The following WDR75 variants were observed in gnomAD, a reference collection of about 807,000 sequenced individuals.
The protein encoded by WDR75 is WD repeat-containing protein 75.
WDR75 carries 52 observed loss-of-function variants against 106.1 expected under a neutral mutation model. The observed-to-expected ratio is 0.49, with a 90% CI of 0.39 to 0.62. The LOEUF (loss-of-function observed/expected upper bound fraction) is 0.62, where lower values mean the gene tolerates loss of function less well. Among genes scored for constraint, WDR75 ranks in the 20% least tolerant of loss-of-function variants. The pLI is 0.00. For missense variants in WDR75, 905 were observed against 970.3 expected, an observed-to-expected ratio of 0.93 and a Z score of 0.89; for synonymous variants, 333 against 335.5, an observed-to-expected ratio of 0.99 and a Z score of 0.08.
In WDR75 at chr2:189,465,169, C is replaced by G. The variant is rs190039776; in HGVS notation, c.1204C>G (p.Leu402Val). 4 of 1,613,050 alleles carry G rather than the reference C, an allele frequency of 2.5e-6. No homozygotes were observed. The highest frequency in any genetic ancestry group is 2.5e-6 in the Non-Finnish European group (3 of 1,179,402). The stretch of plus-strand genomic sequence containing the variant: ...TGCATTTGGCTGCTTTGGTAACTGG[C>G]TTGCAACAGTGGAACAGCGGCAAGA... ...KAAFGCFGNW[L>V]ATVEQRQEKE... The change falls in exon 12 of 21, where the codon CTT becomes GTT. Residue 402 changes from leucine (L) to valine (V), a missense_variant. Leu to Val is a conservative substitution (Grantham distance 32, BLOSUM62 1). Coordinates refer to ENST00000314761, the MANE Select transcript of WDR75 (RefSeq NM_032168.3).
intron 13 of WDR75, among the ~76,000 whole-genome samples, chr2:189,467,164 A>G (rs1304154930): frequency 6.6e-6 from 1 of 152,060 alleles, no homozygotes; most frequent in African/African-American, 2.4e-5. Context: ...TTTCCTATAC[A>G]TACATACCTG....
intron 8 of WDR75, 45 bp downstream of exon 8, chr2:189,459,469 T>C (rs74699810): frequency 0.041 from 62,256 of 1,515,692 alleles, 1,789 homozygotes; most frequent in African/African-American, 0.14. Flanking sequence ...GAAGATATGA[T>C]TCAAGTGTTT....
At position 189,468,480 on chromosome 2, in the gene WDR75, T is replaced by G; in HGVS notation, c.1634T>G (p.Leu545Arg). 1 of 1,613,292 alleles carries G rather than the reference T, an allele frequency of 6.2e-7. No individual in the cohort carries two copies. The highest frequency in any genetic ancestry group is 8.5e-7 in the Non-Finnish European group (1 of 1,179,394). The change falls in exon 15 of 21, where the codon CTT becomes CGT. Residue 545 changes from leucine (L) to arginine (R), a missense_variant. Coordinates refer to ENST00000314761, the MANE Select transcript of WDR75 (RefSeq NM_032168.3). ...TCCTTGTGGTTTTAATCTAGGCACC[T>G]TTGCTTTGGGAGATTGACGTGTTCA... ...FCQRAGKIRH[L>R]CFGRLTCSKY...
rs567402066 is a variant in WDR75, at chr2:189,467,589, A to G, written c.1569A>G (p.Ile523Met). 2 of 1,610,166 alleles carry G rather than the reference A, an allele frequency of 1.2e-6. No individual in the cohort carries two copies. Among genetic ancestry groups the G allele is most frequent in the East Asian group, 2.2e-5 (1 of 44,784 alleles). The change falls in exon 14 of 21, where the codon ATA becomes ATG. Residue 523 changes from isoleucine to methionine, a missense_variant. Coordinates refer to ENST00000314761, the MANE Select transcript of WDR75 (RefSeq NM_032168.3). Reference sequence around the variant, plus strand: ...TTAGTTTTGAGGAAATAGTCACAATATGGGATTCTGTAACATGGGAACTTA... The same window carrying G: ...TTAGTTTTGAGGAAATAGTCACAATGTGGGATTCTGTAACATGGGAACTTA... ...LAVSFEEIVT[I>M]WDSVTWELKC...
chr2:189,450,300 G>A (rs1686589554), intron 2 of WDR75: 1 of 985,642 alleles, frequency 1.0e-6, no homozygotes, highest in South Asian at 4.7e-5. Context: ...AACTGAGTAA[G>A]CTGAGTTCTG....
At chr2:189,474,385 G>C in intron 19 of WDR75, 53 bp downstream of exon 19, 3 of 1,556,028 alleles carry the variant, frequency 1.9e-6, no homozygotes, top group Non-Finnish European at 2.6e-6. Context: ...TAAAGCACCT[G>C]AAGTTGGAGT....
In WDR75 at chr2:189,448,911, T is replaced by C. The variant is rs372023182; in HGVS notation, c.216+403T>C. The stretch of plus-strand genomic sequence containing the variant: ...TGTCTGGAACACATTTTGAAAAATG[T>C]TGGCCAGGAGGTATTGATTTGGTAG... On this transcript the variant is annotated intron_variant, in intron 2 of 20. Coordinates refer to ENST00000314761, the MANE Select transcript of WDR75 (RefSeq NM_032168.3). The C allele has an allele frequency of 1.3e-4, 62 of 470,636 alleles. No homozygotes were observed. The East Asian group carries it at 1.5e-3, about 11-fold the overall frequency. The allele number at this position is 470,636 out of a possible 1,614,324, so 29.2% of individuals were successfully genotyped here. A position where few individuals can be genotyped will look rare whatever the true frequency, so the allele number is the denominator to read the frequency against.
chr2:189,472,752 C>G (rs1358730850), intron 18 of WDR75, among the ~76,000 whole-genome samples: 1 of 152,168 alleles, frequency 6.6e-6, no homozygotes, highest in Non-Finnish European at 1.5e-5. Context: ...GAGACAGTCT[C>G]AAATGTCATT....
At chr2:189,464,118 A>G (rs996949097) in intron 11 of WDR75, 157 bp downstream of exon 11, 6 of 674,676 alleles carry the variant, frequency 8.9e-6, no homozygotes. Context: ...TGTTCAGAGC[A>G]TAATTCCATT....
intron 4 of WDR75, chr2:189,452,110 G>A (rs773744606): frequency 1.4e-5 from 6 of 441,730 alleles, no homozygotes; most frequent in Non-Finnish European, 2.4e-5. Flanking sequence ...GGTTGTAATA[G>A]TAGATTGCAG....
At chr2:189,445,139 T>C (rs1329961266) in intron 1 of WDR75, among the ~76,000 whole-genome samples, 1 of 152,204 alleles carries the variant, frequency 6.6e-6, no homozygotes, top group Non-Finnish European at 1.5e-5. Flanking sequence ...TCACTTAAAC[T>C]CTATGAGAAC....
rs980636956 is a variant in WDR75 at position 189,475,527 on chromosome 2, T to C, written c.*110T>C. 2 of 719,218 alleles carry C rather than the reference T, an allele frequency of 2.8e-6. No individual in the cohort carries two copies. Among genetic ancestry groups the C allele is most frequent in the African/African-American group, 3.7e-5 (2 of 54,536 alleles). 44.6% of individuals were successfully genotyped at this position (719,218 alleles called of 1,614,324 possible). ...TGTTCTAAAAATAAGATAATAAATA[T>C]TAACAAACTTTGCTTTTTTAAAAAA... On this transcript the variant is annotated 3_prime_UTR_variant, in exon 21 of 21. Transcript: ENST00000314761.
In WDR75 at chr2:189,458,881, G is replaced by A; in HGVS notation, c.689+9G>A. On this transcript the variant is annotated intron_variant, in intron 7 of 20. Coordinates refer to ENST00000314761, the MANE Select transcript of WDR75 (RefSeq NM_032168.3). ...GGCAAAATTCGTCTTTGGTCAGTTT[G>A]CTCATGAAGAGCATGGCGATCATTT... 5 of 1,598,244 alleles carry A rather than the reference G, an allele frequency of 3.1e-6. No individual in the cohort carries two copies. Among genetic ancestry groups the A allele is most frequent in the South Asian group, 1.1e-5 (1 of 87,046 alleles).
At chr2:189,453,147 C>T (rs1686661489) in intron 4 of WDR75, among the ~76,000 whole-genome samples, 1 of 152,170 alleles carries the variant, frequency 6.6e-6, no homozygotes, top group South Asian at 2.1e-4. Context: ...ATAATTAAGT[C>T]ATCTTGCCAG....
intron 9 of WDR75, 28 bp from the exon 10 acceptor site, chr2:189,463,666 T>G (rs757969156): frequency 2.5e-6 from 4 of 1,612,852 alleles, no homozygotes; most frequent in Non-Finnish European, 3.4e-6. Flanking sequence ...CTATTGATAT[T>G]TAAATACCTA....
chr2:189,450,847 A>C, intron 2 of WDR75, 56 bp from the exon 3 acceptor site: 4 of 1,596,188 alleles, frequency 2.5e-6, no homozygotes, highest in South Asian at 2.3e-5. Flanking sequence ...TATTCATTTG[A>C]TATCTTGATG....
chr2:189,465,654 C>T (rs1686984646), intron 12 of WDR75, among the ~76,000 whole-genome samples: 1 of 152,230 alleles, frequency 6.6e-6, no homozygotes, highest in South Asian at 2.1e-4. Context: ...AATCCACTCT[C>T]GTACTGTGGC....
chr2:189,465,334 G>A (rs1686979227), intron 12 of WDR75, 80 bp downstream of exon 12: 1 of 1,403,430 alleles, frequency 7.1e-7, no homozygotes, highest in Non-Finnish European at 9.5e-7. Context: ...TTGTCTTTAA[G>A]ATGTTTCATC....
chr2:189,448,362 C>CTT lies in WDR75; in HGVS notation c.87-15_87-14dup. The CTT allele has an allele frequency of 1.2e-6, 2 of 1,607,626 alleles. No homozygotes were observed. The highest frequency in any genetic ancestry group is 1.7e-6 in the Non-Finnish European group (2 of 1,177,268). ...AATACAGTATGTAAAACTTACTTTT[C>CTT]TTTCTTTTTTTTCCAGGTATATCTT... is the stretch of plus-strand genomic sequence containing the variant. On this transcript the variant is annotated splice_polypyrimidine_tract_variant and intron_variant, in intron 1 of 20. Coordinates refer to ENST00000314761, the MANE Select transcript of WDR75 (RefSeq NM_032168.3).
Sources: allele counts gnomAD v4.1 joint callset (sites outside exome capture counted in the v4.1 genomes callset), GRCh38; gene constraint gnomAD v4.1.1; transcripts MANE v1.5; gene names NCBI Gene and HGNC (gene_info 2026-07-23, HGNC 2026-07-21).